The following TPTE2 variants were observed in gnomAD, a reference collection of about 807,000 sequenced individuals.
TPTE2 encodes the protein phosphatidylinositol 3,4,5-trisphosphate 3-phosphatase TPTE2.
Under a neutral mutation model 78.6 loss-of-function variants are expected in TPTE2, and 53 were observed. That is an observed-to-expected ratio of 0.67 (90% CI 0.54 to 0.85). The LOEUF (loss-of-function observed/expected upper bound fraction) is 0.85. TPTE2 is among the 40% of genes least tolerant of loss of function. The pLI is 0.00. For synonymous variants in TPTE2, 175 were observed against 206.2 expected (o/e 0.85, Z 1.30); for missense variants, 461 against 623.0 (o/e 0.74, Z 2.77).
At chr13:19,556,548 T>G in the TPTE2 span, among the ~76,000 whole-genome samples, 2 of 152,046 alleles carry the variant, frequency 1.3e-5, no homozygotes, top group African/African-American at 2.4e-5. Context: ...CACCTTTGAG[T>G]TGGAATCTCA....
the TPTE2 span, among the ~76,000 whole-genome samples, chr13:19,554,899 A>G: frequency 6.6e-6 from 1 of 152,200 alleles, no homozygotes; most frequent in Non-Finnish European, 1.5e-5. Flanking sequence ...TGTTAGCCTT[A>G]ACTAGCCACA....
intron 14 of TPTE2, 51 bp from the exon 18 acceptor site, chr13:19,436,357 C>T (rs1877088400): frequency 6.6e-7 from 1 of 1,511,044 alleles, no homozygotes; most frequent in African/African-American, 1.4e-5. Context: ...TCTTTCCTTT[C>T]CTATATTAGG....
intron 1 of TPTE2, among the ~76,000 whole-genome samples, chr13:19,495,712 C>T (rs537829798): frequency 7.9e-5 from 12 of 152,268 alleles, no homozygotes; most frequent in African/African-American, 2.9e-4. Flanking sequence ...GTGCATTGAC[C>T]AGCCTACTAG....
intron 1 of TPTE2, among the ~76,000 whole-genome samples, chr13:19,523,994 G>A (rs563690096): frequency 1.4e-4 from 21 of 152,260 alleles, no homozygotes; most frequent in Non-Finnish European, 2.6e-4. Flanking sequence ...GAATAGGAAC[G>A]TCAAAATACT....
intron 10 of TPTE2, among the ~76,000 whole-genome samples, chr13:19,459,384 G>A (rs879689511): frequency 1.3e-5 from 2 of 152,188 alleles, no homozygotes; most frequent in African/African-American, 2.4e-5. Context: ...ATCCCAGGGG[G>A]ATACTGACCT....
the TPTE2 span, among the ~76,000 whole-genome samples, chr13:19,551,073 G>C: frequency 6.6e-6 from 1 of 152,110 alleles, no homozygotes; most frequent in African/African-American, 2.4e-5. Flanking sequence ...CTTAATATCA[G>C]ATATTTTGCA....
intron 6 of TPTE2, among the ~76,000 whole-genome samples, chr13:19,467,891 T>C (rs1205270194): frequency 7.6e-6 from 1 of 131,128 alleles, no homozygotes; most frequent in Non-Finnish European, 1.6e-5. Context: ...ATGAATTCAA[T>C]TGCTTTTTTT....
chr13:19,426,460 G>A, exon 18 of TPTE2: 1 of 1,607,528 alleles, frequency 6.2e-7, no homozygotes, highest in East Asian at 2.2e-5. Flanking sequence ...TCATCATACA[G>A]AGGTGGACCG....
At chr13:19,559,298 C>T in the TPTE2 span, among the ~76,000 whole-genome samples, 1 of 152,198 alleles carries the variant, frequency 6.6e-6, no homozygotes, top group East Asian at 1.9e-4. Context: ...AGTGGTTTCT[C>T]TTTGCAGCAA....
intron 10 of TPTE2, among the ~76,000 whole-genome samples, chr13:19,462,053 T>A (rs1394788944): frequency 6.6e-6 from 1 of 152,132 alleles, no homozygotes; most frequent in Non-Finnish European, 1.5e-5. Context: ...GTCATTTTGT[T>A]CATTTTTTTC....
At chr13:19,457,593 G>A (rs547912784) in intron 10 of TPTE2, among the ~76,000 whole-genome samples, 3 of 151,762 alleles carry the variant, frequency 2.0e-5, no homozygotes, top group African/African-American at 4.8e-5. Context: ...CTCATTGTCA[G>A]CTCCCGCATG....
At chr13:19,554,300 A>G in the TPTE2 span, among the ~76,000 whole-genome samples, 920 of 152,190 alleles carry the variant, frequency 6.0e-3, 8 homozygotes, top group Non-Finnish European at 8.8e-3. Context: ...GCATGAACCC[A>G]GGAGGCGGAG....
Position 19,535,776 on chromosome 13 carries a change from C to CAGGT in TPTE2, c.-44+816_-44+819dup, listed in dbSNP as rs888796966. Among the ~76,000 whole-genome samples the CAGGT allele has an allele frequency of 2.3e-4, 35 of 152,210 alleles. No individual in the cohort carries two copies. The highest frequency in any genetic ancestry group is 2.0e-3 in the Admixed American group (30 of 15,282). On this transcript the variant is annotated intron_variant, in intron 1 of 17. Coordinates refer to the TPTE2 transcript ENST00000390680. This position sits in a 1 kb window ranked among gnomAD's most constrained non-coding sequence, Gnocchi z 5.1. ...CCTCCCAAGTAGCTGGGACTACATA[C>CAGGT]AGGTGCCTGCCATCATGCCCAGCTA...
At chr13:19,476,096 C>T (rs1343788252) in intron 4 of TPTE2, among the ~76,000 whole-genome samples, 1 of 152,106 alleles carries the variant, frequency 6.6e-6, no homozygotes, top group Non-Finnish European at 1.5e-5. Flanking sequence ...TCAAACTAGA[C>T]ACCTAGTGAA....
the TPTE2 span, among the ~76,000 whole-genome samples, chr13:19,557,067 T>G: frequency 6.6e-6 from 1 of 152,252 alleles, no homozygotes; most frequent in African/African-American, 2.4e-5. Flanking sequence ...GTAAGTTTTT[T>G]TATAAATGCT....
At chr13:19,485,367 C>T (rs927041481) in intron 3 of TPTE2, among the ~76,000 whole-genome samples, 3 of 151,754 alleles carry the variant, frequency 2.0e-5, no homozygotes, top group African/African-American at 4.8e-5. Context: ...TTCAGAACTT[C>T]GAATATATCA....
chr13:19,521,596 A>G lies in TPTE2; in HGVS notation c.-44+15000T>C, dbSNP rs74980240. 7.9e-3 allele frequency among the ~76,000 whole-genome samples: 1,207 copies of G among 152,142 alleles called. 23 individuals carry two copies. Among genetic ancestry groups the G allele is most frequent in the African/African-American group, 0.028 (1,144 of 41,548 alleles). On this transcript the variant is annotated intron_variant, in intron 1 of 17. Coordinates refer to the TPTE2 transcript ENST00000390680. Reference sequence around the variant, plus strand: ...TCATTGATAAAGTAAGATTTATGCTAAATAGTTTTATACTGTACAATTTTT... The same window carrying G: ...TCATTGATAAAGTAAGATTTATGCTGAATAGTTTTATACTGTACAATTTTT...
At chr13:19,474,227 A>T in intron 5 of TPTE2, 152 bp from the exon 9 acceptor site, 1 of 819,862 alleles carries the variant, frequency 1.2e-6, no homozygotes, top group South Asian at 3.4e-5. Context: ...TGGCAGGAAA[A>T]ACTGTAATGT....
intron 1 of TPTE2, among the ~76,000 whole-genome samples, chr13:19,536,008 G>A (rs1246721041): frequency 6.6e-6 from 1 of 152,128 alleles, no homozygotes; most frequent in Admixed American, 6.5e-5. Flanking sequence ...TATTAATAAG[G>A]AGAAGATTTA....
Sources: gnomAD v4.1 joint callset for allele counts (sites outside exome capture counted in the v4.1 genomes callset) on GRCh38, gnomAD v4.1.1 for gene constraint, Gnocchi (gnomAD v3.1) non-coding constraint, MANE v1.5 for transcripts, NCBI Gene and HGNC (gene_info 2026-07-23, HGNC 2026-07-21) for gene names.